BRD2: variants seen among roughly 807,000 people sequenced by gnomAD.
BRD2 encodes bromodomain-containing protein 2.
BRD2 carries 15 observed loss-of-function variants against 79.1 expected under a neutral mutation model. The observed-to-expected ratio is 0.19, with a 90% confidence interval of 0.13 to 0.29. BRD2 has a LOEUF of 0.29. BRD2 is among the 10% of genes least tolerant of loss of function. The pLI, the probability that BRD2 is intolerant of heterozygous loss-of-function variation, is 1.00. For missense variants in BRD2, 1,053 were observed against 991.3 expected (o/e 1.06, Z -0.84); for synonymous variants, 488 against 358.6 (o/e 1.36, Z -4.08).
chr6:32,977,806 C>G lies in BRD2; in HGVS notation c.1379C>G (p.Pro460Arg). The G allele has an allele frequency of 6.2e-7, 1 of 1,613,066 alleles. No homozygotes were observed. The highest frequency in any genetic ancestry group is 2.2e-5 in the East Asian group (1 of 44,878). Reference sequence around the variant, plus strand: ...AAGATGCCAGATGAACCACTAGAACCAGGGCCTTTACCAGTCTCTACTGCC... The same window carrying G: ...AAGATGCCAGATGAACCACTAGAACGAGGGCCTTTACCAGTCTCTACTGCC... ...YAKMPDEPLE[P>R]GPLPVSTAMP... The change falls in exon 9 of 13, where the codon CCA (proline) becomes CGA (arginine). Residue 460 changes from proline to arginine, a missense_variant. Pro to Arg is a moderately radical substitution (Grantham distance 103, BLOSUM62 -2). Around this residue, in one of 5 missense-constraint regions of BRD2, gnomAD observed 454 missense variants for 430.5 expected, o/e 1.05. Transcript: ENST00000374825.
chr6:32,975,197 A>C, intron 3 of BRD2, 187 bp from the exon 4 acceptor site: 1 of 1,298,764 alleles, frequency 7.7e-7, no homozygotes, highest in Non-Finnish European at 1.0e-6. Flanking sequence ...TGTGGATGTC[A>C]AGAATCTTTT....
rs536861347 is a variant in BRD2, at chr6:32,973,013, C to T, written c.29+86C>T. ...GGGGCGCCGTGTTGGGAGTACTGAGCGGCCCCGGCGCGCTGCTGTTGCGGC... is the reference window on the plus strand; with the variant it reads ...GGGGCGCCGTGTTGGGAGTACTGAGTGGCCCCGGCGCGCTGCTGTTGCGGC... On this transcript the variant is annotated intron_variant, in intron 2 of 12. Coordinates refer to ENST00000374825, the MANE Select transcript of BRD2 (RefSeq NM_005104.4). 22 of 1,613,086 alleles carry T rather than the reference C, an allele frequency of 1.4e-5. No individual in the cohort carries two copies. In the African/African-American group the frequency reaches 1.5e-4, roughly 11 times the overall value.
chr6:32,969,667 T>G (rs1422774710), intron 1 of BRD2, among the ~76,000 whole-genome samples: 1 of 152,128 alleles, frequency 6.6e-6, no homozygotes, highest in Non-Finnish European at 1.5e-5. Flanking sequence ...CCCTGTAGGG[T>G]CTTTACTGAG....
rs776960620 is a variant in BRD2, at chr6:32,977,743, G to A, written c.1330-14G>A. ...TGTTTATCAGCATAGTTTTGAGTTT[G>A]TGCCTCTTTGTAGGATGTATTTGAG... On this transcript the variant is annotated splice_polypyrimidine_tract_variant and intron_variant, in intron 8 of 12. Transcript: ENST00000374825. 23 of 1,612,640 alleles carry A rather than the reference G, an allele frequency of 1.4e-5. No individual in the cohort carries two copies. Among genetic ancestry groups the A allele is most frequent in the Non-Finnish European group, 1.9e-5 (22 of 1,179,816 alleles).
chr6:32,974,818 G>A (rs1778512771), intron 3 of BRD2, 53 bp downstream of exon 3: 2 of 1,581,224 alleles, frequency 1.3e-6, no homozygotes, highest in East Asian at 2.3e-5. Flanking sequence ...GAATGCGTGT[G>A]AATGGGGGTG....
At chr6:32,974,964 T>C (rs1202183253) in intron 3 of BRD2, 199 bp downstream of exon 3, 2 of 1,458,776 alleles carry the variant, frequency 1.4e-6, no homozygotes, top group Non-Finnish European at 1.9e-6. Flanking sequence ...TTGGCATCTT[T>C]CCTTGTGCCC....
rs1778170289 is a variant in BRD2 at position 32,972,660 on chromosome 6, GGCC to G, written c.-232_-230del. 1 of 614,468 alleles carries G rather than the reference GGCC, an allele frequency of 1.6e-6. No homozygotes were observed. The highest frequency in any genetic ancestry group is 2.9e-6 in the Non-Finnish European group (1 of 349,642). 38.1% of individuals were successfully genotyped at this position (614,468 alleles called of 1,614,324 possible). ...CTCCTTAGTTGCCCGCCTCAGCTGA[GGCC>G]GCCGCCATTTTCTTGCTGTCCGCCG... On this transcript the variant is annotated 5_prime_UTR_variant, in exon 2 of 13. Coordinates refer to ENST00000374825, the MANE Select transcript of BRD2 (RefSeq NM_005104.4).
At chr6:32,975,182 C>T (rs1030507817) in intron 3 of BRD2, 1 of 1,348,376 alleles carries the variant, frequency 7.4e-7, no homozygotes, top group Non-Finnish European at 1.0e-6. Flanking sequence ...CAGCAGGGGC[C>T]TCCCTGTGGA....
chr6:32,975,227 G>A (rs963479158), intron 3 of BRD2, 157 bp from the exon 4 acceptor site: 1 of 1,225,568 alleles, frequency 8.2e-7, no homozygotes, highest in Non-Finnish European at 1.1e-6. Flanking sequence ...TATTTATTTT[G>A]TCCCACAGTT....
rs746031871 is a variant in BRD2, at chr6:32,976,358, T to G, written c.719T>G (p.Ile240Ser). 13 of 1,612,996 alleles carry G rather than the reference T, an allele frequency of 8.1e-6. No individual in the cohort carries two copies. The highest frequency in any genetic ancestry group is 1.0e-5 in the Non-Finnish European group (12 of 1,180,006). ...GAGATACCTACCACTGTCCTCAACA[T>G]TCCCCACCCATCAGTCATTTCCTCT... ...PPEIPTTVLNIPHPSVISSPL... is the reference protein window; with the variant it reads ...PPEIPTTVLNSPHPSVISSPL... The change falls in exon 6 of 13, where the codon ATT becomes AGT. Residue 240 changes from isoleucine to serine, a missense_variant. Physicochemically the swap from Ile to Ser is moderately radical, Grantham distance 142. Transcript: ENST00000374825.
In BRD2 at chr6:32,977,808, G is replaced by C; in HGVS notation, c.1381G>C (p.Gly461Arg). Residue 461 changes from glycine to arginine, a missense_variant, in exon 9 of 13, where the codon GGG (glycine) becomes CGG (arginine). Coordinates refer to ENST00000374825, the MANE Select transcript of BRD2 (RefSeq NM_005104.4). ...GATGCCAGATGAACCACTAGAACCA[G>C]GGCCTTTACCAGTCTCTACTGCCAT... ...AKMPDEPLEP[G>R]PLPVSTAMPP... 3 of 1,613,096 alleles carry C rather than the reference G, an allele frequency of 1.9e-6. No homozygotes were observed. Among genetic ancestry groups the C allele is most frequent in the Non-Finnish European group, 2.5e-6 (3 of 1,180,040 alleles).
intron 4 of BRD2, 60 bp downstream of exon 4, chr6:32,975,581 T>C: frequency 6.3e-7 from 1 of 1,577,956 alleles, no homozygotes; most frequent in South Asian, 1.1e-5. Flanking sequence ...CTATTATTGC[T>C]GGATATGTTG....
At chr6:32,974,031 C>T (rs72865885) in intron 2 of BRD2, among the ~76,000 whole-genome samples, 3,599 of 152,070 alleles carry the variant, frequency 0.024, 63 homozygotes, top group South Asian at 0.039. Flanking sequence ...ATAATTTGTT[C>T]TTTTCCTCCT....
At position 32,980,720 on chromosome 6, in the gene BRD2, G is replaced by C; in HGVS notation, c.*2G>C. On this transcript the variant is annotated 3_prime_UTR_variant, in exon 13 of 13. Coordinates refer to ENST00000374825, the MANE Select transcript of BRD2 (RefSeq NM_005104.4). Reference sequence around the variant, plus strand: ...ACCAGTGATTCAGACTCAGGCTAAGGGGTCAGGCCAGATGGGGCAGGAAGG... The same window carrying C: ...ACCAGTGATTCAGACTCAGGCTAAGCGGTCAGGCCAGATGGGGCAGGAAGG... 8 of 1,612,608 alleles carry C rather than the reference G, an allele frequency of 5.0e-6. No individual in the cohort carries two copies. The highest frequency in any genetic ancestry group is 6.8e-6 in the Non-Finnish European group (8 of 1,180,030).
rs927020466 is a variant in BRD2, at chr6:32,975,276, C to A, written c.334-108C>A. ...AGTTTAAGTAACTGTTCCTTTGATG[C>A]ATAGGGGGGGTGTGTGTGTGTGTGT... is the stretch of plus-strand genomic sequence containing the variant. On this transcript the variant is annotated intron_variant, in intron 3 of 12. Transcript: ENST00000374825. 5 of 1,059,600 alleles carry A rather than the reference C, an allele frequency of 4.7e-6. No homozygotes were observed. In the African/African-American group the frequency reaches 5.4e-5, roughly 11 times the overall value. 65.6% of individuals were successfully genotyped at this position (1,059,600 alleles called of 1,614,324 possible).
At chr6:32,974,876 C>G (rs1391384987) in intron 3 of BRD2, 111 bp downstream of exon 3, 1 of 1,420,018 alleles carries the variant, frequency 7.0e-7, no homozygotes, top group Admixed American at 2.1e-5. Context: ...CCCATTTCTC[C>G]CCTGTAGGGC....
At position 32,972,293 on chromosome 6, in the gene BRD2, A is replaced by G. The variant is rs558890360; in HGVS notation, c.-606A>G. The G allele has an allele frequency of 4.2e-5, 17 of 400,610 alleles. No individual in the cohort carries two copies. The highest frequency in any genetic ancestry group is 3.1e-4 in the African/African-American group (15 of 48,348). The allele number at this position is 400,610 out of a possible 1,614,324, so 24.8% of individuals were successfully genotyped here. ...CGAGTCGTCCGGGGCCGCCATTACA[A>G]TCCACCTCCATCCGCTTGGAAATGG... On this transcript the variant is annotated 5_prime_UTR_variant, in exon 2 of 13. Transcript: ENST00000374825.
rs1033034365 is a variant in BRD2 at position 32,972,259 on chromosome 6, C to T, written c.-640C>T. The T allele has an allele frequency of 1.1e-5, 5 of 453,014 alleles. 1 individual carries two copies. The highest frequency in any genetic ancestry group is 1.0e-4 in the Admixed American group (3 of 29,076). 28.1% of individuals were successfully genotyped at this position (453,014 alleles called of 1,614,324 possible). On this transcript the variant is annotated 5_prime_UTR_variant, in exon 2 of 13. Transcript: ENST00000374825. ...AGCTGGAGGATTCTGCCTACCGATA[C>T]AGAGCCTTCGAGTCGTCCGGGGCCG... is the stretch of plus-strand genomic sequence containing the variant.
rs200770939 is a variant in BRD2 at position 32,977,493 on chromosome 6, G to A, written c.1252G>A (p.Val418Ile). 6.7e-5 allele frequency: 108 copies of A among 1,613,936 alleles called. No individual in the cohort carries two copies. The highest frequency in any genetic ancestry group is 3.3e-4 in the Middle Eastern group (2 of 6,084). Residue 418 changes from valine (V) to isoleucine (I), a missense_variant, in exon 8 of 13, where the codon GTA (valine) becomes ATA (isoleucine). Physicochemically the swap from Val to Ile is conservative, Grantham distance 29 (BLOSUM62 3). This residue lies in a region of BRD2 where 454 missense variants were observed against 430.5 expected (regional missense o/e 1.05). Transcript: ENST00000374825. ...YRDAQEFAADVRLMFSNCYKY... is the reference protein window; with the variant it reads ...YRDAQEFAADIRLMFSNCYKY... ...GGATGCACAGGAGTTTGCTGCTGAT[G>A]TACGGCTTATGTTCTCCAACTGCTA...
Sources: allele counts gnomAD v4.1 joint callset (sites outside exome capture counted in the v4.1 genomes callset), GRCh38; gene constraint gnomAD v4.1.1; regional missense constraint gnomAD v4.1.1; transcripts MANE v1.5; gene names NCBI Gene and HGNC (gene_info 2026-07-23, HGNC 2026-07-21).